The following B9D1 variants were observed in gnomAD, a reference collection of about 807,000 sequenced individuals.
The protein encoded by B9D1 is B9 domain containing 1.
In B9D1, 20 loss-of-function variants were observed where a neutral mutation model predicts 26.1. That is an observed-to-expected ratio of 0.77 (90% CI 0.54 to 1.12). B9D1 has a LOEUF of 1.12. Ranked by LOEUF, B9D1 falls within the 50% of genes most tolerant of loss-of-function variation. The pLI, the probability that B9D1 is intolerant of heterozygous loss-of-function variation, is 0.00. For missense variants in B9D1, 260 were observed against 273.7 expected (o/e 0.95, Z 0.35); for synonymous variants, 105 against 103.1 (o/e 1.02, Z -0.11).
chr17:19,355,489 A>G (rs1198639729), intron 3 of B9D1, among the ~76,000 whole-genome samples: 1 of 150,526 alleles, frequency 6.6e-6, no homozygotes. Context: ...AAATGGCGCC[A>G]CTTTACTCAG....
At chr17:19,349,155 C>T (rs573986596) in intron 3 of B9D1, among the ~76,000 whole-genome samples, 7 of 152,316 alleles carry the variant, frequency 4.6e-5, no homozygotes, top group Non-Finnish European at 7.4e-5. Context: ...CTGTACCTCA[C>T]GAAAACATGG....
At chr17:19,352,604 C>G (rs1284099303) in intron 3 of B9D1, among the ~76,000 whole-genome samples, 2 of 149,432 alleles carry the variant, frequency 1.3e-5, no homozygotes, top group Non-Finnish European at 3.0e-5. Flanking sequence ...TCACTGCAAC[C>G]TCCACCTCCC....
At chr17:19,361,155 C>G (rs756064921) in intron 1 of B9D1, among the ~76,000 whole-genome samples, 1 of 152,016 alleles carries the variant, frequency 6.6e-6, no homozygotes, top group Non-Finnish European at 1.5e-5. Context: ...CAGATGGGAC[C>G]ATCTAGTTGC....
intron 3 of B9D1, among the ~76,000 whole-genome samples, chr17:19,357,063 C>T (rs1910451519): frequency 6.6e-6 from 1 of 152,204 alleles, no homozygotes; most frequent in South Asian, 2.1e-4. Context: ...ATTGTGAAAT[C>T]AGATGGGCCT....
chr17:19,335,491 C>T (rs1396383569), downstream of B9D1: 1 of 1,545,584 alleles, frequency 6.5e-7, no homozygotes. Flanking sequence ...GTGATCTCCT[C>T]TGTCTTAATC....
chr17:19,367,146 A>G (rs1303824533), upstream of B9D1, among the ~76,000 whole-genome samples: 3 of 152,130 alleles, frequency 2.0e-5, no homozygotes, highest in Non-Finnish European at 4.4e-5. Flanking sequence ...TAGATAAAGT[A>G]GAAATCTTAG....
At chr17:19,376,937 G>C (rs1912158006) in intron 1 of B9D1, among the ~76,000 whole-genome samples, 1 of 152,158 alleles carries the variant, frequency 6.6e-6, no homozygotes, top group Non-Finnish European at 1.5e-5. Context: ...ATCAGGATAT[G>C]TTTAAATCTA....
rs1324372277 is a variant in B9D1, at chr17:19,360,394, A to G, written c.64-6T>C. On this transcript the variant is annotated splice_region_variant and splice_polypyrimidine_tract_variant and intron_variant, in intron 1 of 6. Transcript: ENST00000261499. ...AGGTCATCATACTCTGGAAACTGAA[A>G]AAAGCACAGACAGATTCTGTCGACT... 6.2e-7 allele frequency: 1 copy of G among 1,613,564 alleles called. No individual in the cohort carries two copies. Among genetic ancestry groups the G allele is most frequent in the Admixed American group, 1.7e-5 (1 of 60,030 alleles).
At chr17:19,371,269 TG>T (rs1452079803) in intron 1 of B9D1, 1 of 152,442 alleles carries the variant, frequency 6.6e-6, no homozygotes, top group Non-Finnish European at 1.5e-5. Flanking sequence ...ACCTGTGCCC[TG>T]GGTGTGTGCT....
In B9D1 at chr17:19,347,407, G is replaced by C. The variant is rs1349796391; in HGVS notation, c.342-76C>G. Reference sequence around the variant, plus strand: ...AGCCTCCAGGGAGAAGAAACCCTCAGATCAGGCCAGTGCAGCTGCAGCGTG... The same window carrying C: ...AGCCTCCAGGGAGAAGAAACCCTCACATCAGGCCAGTGCAGCTGCAGCGTG... On this transcript the variant is annotated intron_variant, in intron 4 of 6. Coordinates refer to ENST00000261499, the MANE Select transcript of B9D1 (RefSeq NM_015681.6). The surrounding 1 kb of genome is among the most constrained non-coding windows in gnomAD (Gnocchi z 4.3). 3.9e-6 allele frequency: 6 copies of C among 1,551,460 alleles called. No homozygotes were observed. Among genetic ancestry groups the C allele is most frequent in the Non-Finnish European group, 5.3e-6 (6 of 1,125,434 alleles).
intron 6 of B9D1, 99 bp downstream of exon 6, chr17:19,343,690 GC>G: frequency 6.2e-7 from 1 of 1,611,758 alleles, no homozygotes; most frequent in South Asian, 1.1e-5. Context: ...GCTCCTATGT[GC>G]CTGGCAGGTC....
At position 19,359,646 on chromosome 17, in the gene B9D1, G is replaced by A. The variant is rs1386416537; in HGVS notation, c.132+674C>T. 6.6e-6 allele frequency among the ~76,000 whole-genome samples: 1 copy of A among 152,142 alleles called. No homozygotes were observed. The highest frequency in any genetic ancestry group is 1.5e-5 in the Non-Finnish European group (1 of 68,024). On this transcript the variant is annotated intron_variant, in intron 2 of 6. Transcript: ENST00000261499. This position sits in a 1 kb window ranked among gnomAD's most constrained non-coding sequence, Gnocchi z 5.0. ...TCCTTATTATCTGACCCCCCAGCAAGAACGTGCGCTCCGGGAAGGCAGGGT... is the reference window on the plus strand; with the variant it reads ...TCCTTATTATCTGACCCCCCAGCAAAAACGTGCGCTCCGGGAAGGCAGGGT...
At chr17:19,343,926 A>T in intron 5 of B9D1, 69 bp from the exon 6 acceptor site, 1 of 1,607,210 alleles carries the variant, frequency 6.2e-7, no homozygotes, top group South Asian at 1.1e-5. Context: ...ACGACACTGG[A>T]TGTGGGCTCT....
At chr17:19,356,478 A>G (rs1341325587) in intron 3 of B9D1, among the ~76,000 whole-genome samples, 1 of 152,192 alleles carries the variant, frequency 6.6e-6, no homozygotes, top group Non-Finnish European at 1.5e-5. Context: ...TGAAATCATC[A>G]GGGGCTGAGC....
At chr17:19,364,663 G>A (rs919261455), upstream of B9D1, 1 of 152,426 alleles carries the variant, frequency 6.6e-6, no homozygotes, top group Non-Finnish European at 1.5e-5. The surrounding 1 kb of genome is among the most constrained non-coding windows in gnomAD (Gnocchi z 4.3). Context: ...CACCAGTCCA[G>A]CCATGCTGGT....
At chr17:19,360,031 G>A (rs576432989) in intron 2 of B9D1, among the ~76,000 whole-genome samples, 3 of 152,290 alleles carry the variant, frequency 2.0e-5, no homozygotes, top group East Asian at 1.9e-4. Flanking sequence ...GCTCAGCCAC[G>A]TCCAGGCTGG....
chr17:19,368,068 C>T (rs886147789), intron 1 of B9D1, among the ~76,000 whole-genome samples: 1 of 152,196 alleles, frequency 6.6e-6, no homozygotes, highest in Admixed American at 6.5e-5. Context: ...AGAGACAACT[C>T]GGATCCAGCC....
Position 19,357,834 on chromosome 17 carries a change from A to C in B9D1, c.244+6T>G, listed in dbSNP as rs1226205244. ...ACCCTACCCCACAGGGCCCCTGCAG[A>C]CTCACAGCCGTAGGGGTTGGTGCTT... On this transcript the variant is annotated splice_donor_region_variant and intron_variant, in intron 3 of 6. Coordinates refer to ENST00000261499, the MANE Select transcript of B9D1 (RefSeq NM_015681.6). 3.1e-6 allele frequency: 5 copies of C among 1,609,034 alleles called. No homozygotes were observed.
chr17:19,376,624 C>CAAAAAAAAAAAAAAA (rs56972267), intron 1 of B9D1, among the ~76,000 whole-genome samples: 1 of 48,956 alleles, frequency 2.0e-5, no homozygotes, highest in Non-Finnish European at 3.7e-5. Flanking sequence ...TACTAAAATA[C>CAAAAAAAAAAAAAAA]AAAAAAAAAA....
Sources: gnomAD v4.1 joint callset for allele counts (sites outside exome capture counted in the v4.1 genomes callset) on GRCh38, gnomAD v4.1.1 for gene constraint, Gnocchi (gnomAD v3.1) non-coding constraint, MANE v1.5 for transcripts, NCBI Gene and HGNC (gene_info 2026-07-23, HGNC 2026-07-21) for gene names.